The following GPBP1 variants were observed in gnomAD, a reference collection of about 807,000 sequenced individuals.
The protein encoded by GPBP1 is vasculin.
A neutral mutation model predicts 56.5 loss-of-function variants in GPBP1; 13 were observed. That is an observed-to-expected ratio of 0.23 (90% confidence interval 0.15 to 0.37). GPBP1 has a LOEUF of 0.37. GPBP1 is among the 10% of genes least tolerant of loss of function. The pLI, the probability that GPBP1 is intolerant of heterozygous loss-of-function variation, is 1.00. For synonymous variants in GPBP1, 204 were observed against 188.9 expected (o/e 1.08, Z -0.66); for missense variants, 477 against 572.3 (o/e 0.83, Z 1.70).
At chr5:57,225,786 C>A (rs762162019) in intron 3 of GPBP1, among the ~76,000 whole-genome samples, 9 of 152,178 alleles carry the variant, frequency 5.9e-5, no homozygotes, top group Non-Finnish European at 8.8e-5. Flanking sequence ...AGATTTGTCA[C>A]CTCTGTCCAC....
chr5:57,193,215 G>T (rs1754603473), intron 2 of GPBP1, among the ~76,000 whole-genome samples: 1 of 152,116 alleles, frequency 6.6e-6, no homozygotes, highest in Non-Finnish European at 1.5e-5. Context: ...TACTCAGGAG[G>T]CTGAGGCAGG....
At chr5:57,226,623 G>C (rs1179670401) in intron 3 of GPBP1, among the ~76,000 whole-genome samples, 2 of 138,956 alleles carry the variant, frequency 1.4e-5, no homozygotes, top group East Asian at 2.3e-4. Context: ...GCAGTGGCGC[G>C]ATCTCAGCTC....
At chr5:57,225,712 C>A (rs995978740) in intron 3 of GPBP1, among the ~76,000 whole-genome samples, 1 of 152,094 alleles carries the variant, frequency 6.6e-6, no homozygotes, top group Non-Finnish European at 1.5e-5. Context: ...CTCTCTGTAC[C>A]GTTGAACCAG....
intron 6 of GPBP1, chr5:57,237,269 G>T: frequency 1.2e-6 from 1 of 834,336 alleles, no homozygotes; most frequent in Non-Finnish European, 2.0e-6. Flanking sequence ...TAAGAAATTA[G>T]GAATAATTTG....
At chr5:57,203,986 C>G (rs762953254) in intron 2 of GPBP1, among the ~76,000 whole-genome samples, 1 of 152,120 alleles carries the variant, frequency 6.6e-6, no homozygotes, top group Non-Finnish European at 1.5e-5. Flanking sequence ...GGGCATTTAC[C>G]ATCCTTATCT....
At position 57,206,828 on chromosome 5, in the gene GPBP1, A is replaced by G. The variant is rs143799049; in HGVS notation, c.-57-7246A>G. 3.2e-4 allele frequency among the ~76,000 whole-genome samples: 48 copies of G among 152,264 alleles called. 1 individual carries two copies. In the East Asian group the frequency reaches 9.1e-3, roughly 29 times the overall value. ...ATGTGTGGGCTTATTTCTGGTTTAT[A>G]TGTCTGTTCTTAGGCCATACTACAG... is the stretch of plus-strand genomic sequence containing the variant. On this transcript the variant is annotated intron_variant, in intron 2 of 11. Coordinates refer to ENST00000506184, the MANE Select transcript of GPBP1 (RefSeq NM_022913.4).
chr5:57,260,694 T>A (rs1477276), intron 10 of GPBP1, among the ~76,000 whole-genome samples: 28,033 of 152,088 alleles, frequency 0.18, 3,402 homozygotes, highest in Non-Finnish European at 0.27. Flanking sequence ...TTTCATTTTT[T>A]AAAAACAAAC....
At chr5:57,178,403 C>G (rs1214189240) in intron 2 of GPBP1, among the ~76,000 whole-genome samples, 1 of 152,098 alleles carries the variant, frequency 6.6e-6, no homozygotes, top group Non-Finnish European at 1.5e-5. Context: ...CGCCACCACG[C>G]CCAGCTAATT....
intron 2 of GPBP1, among the ~76,000 whole-genome samples, chr5:57,179,382 T>G (rs1211631668): frequency 1.3e-5 from 2 of 152,110 alleles, no homozygotes; most frequent in Non-Finnish European, 2.9e-5. Flanking sequence ...AGGGTCTCGC[T>G]CTCTCACCCA....
intron 2 of GPBP1, among the ~76,000 whole-genome samples, chr5:57,211,745 G>A (rs1273976207): frequency 3.3e-5 from 5 of 151,344 alleles, no homozygotes; most frequent in East Asian, 2.0e-4. Context: ...CACCACGCCC[G>A]GCTAATTTTG....
At chr5:57,234,386 T>C (rs1756582508) in intron 5 of GPBP1, among the ~76,000 whole-genome samples, 1 of 152,168 alleles carries the variant, frequency 6.6e-6, no homozygotes, top group Non-Finnish European at 1.5e-5. Flanking sequence ...CTTGTTGAAA[T>C]ACAGATTTGG....
chr5:57,230,711 AT>A (rs754690632), intron 3 of GPBP1, 134 bp from the exon 4 acceptor site: 1 of 764,866 alleles, frequency 1.3e-6, no homozygotes, highest in African/African-American at 1.8e-5. Flanking sequence ...CAGTTATCAA[AT>A]ACCTTGAAAA....
intron 2 of GPBP1, among the ~76,000 whole-genome samples, chr5:57,194,643 C>T (rs1280194527): frequency 6.6e-6 from 1 of 151,982 alleles, no homozygotes; most frequent in Non-Finnish European, 1.5e-5. Flanking sequence ...ACCAACTAAC[C>T]TCCCGCTCTT....
At chr5:57,196,088 CAT>C (rs1754737410) in intron 2 of GPBP1, among the ~76,000 whole-genome samples, 2 of 150,154 alleles carry the variant, frequency 1.3e-5, no homozygotes, top group African/African-American at 4.9e-5. Context: ...TTTCCTTTTC[CAT>C]ATGATGGTTA....
At chr5:57,207,464 G>A (rs1755279560) in intron 2 of GPBP1, among the ~76,000 whole-genome samples, 1 of 152,160 alleles carries the variant, frequency 6.6e-6, no homozygotes, top group Non-Finnish European at 1.5e-5. Flanking sequence ...AGGGCAGGCT[G>A]TGGGACTCCG....
At chr5:57,202,633 G>A (rs557887336) in intron 2 of GPBP1, among the ~76,000 whole-genome samples, 98 of 152,196 alleles carry the variant, frequency 6.4e-4, no homozygotes, top group Non-Finnish European at 6.5e-4. Flanking sequence ...AACCCTCGAA[G>A]TGATGACATT....
At chr5:57,221,795 A>G (rs892488807) in intron 3 of GPBP1, among the ~76,000 whole-genome samples, 1 of 152,188 alleles carries the variant, frequency 6.6e-6, no homozygotes, top group African/African-American at 2.4e-5. Flanking sequence ...TGCGATGAAA[A>G]TGTAGGCTAT....
rs1579982907 is a variant in GPBP1 at position 57,190,455 on chromosome 5, C to T, written c.-58+14055C>T. ...TAAAAATTAGCCGAGCGTGTTGGCA[C>T]GCACCTGTAATCTCAATTACTGGGA... On this transcript the variant is annotated intron_variant, in intron 2 of 11. Transcript: ENST00000506184. Among the ~76,000 whole-genome samples, 3 of 151,722 alleles carry T rather than the reference C, an allele frequency of 2.0e-5. No homozygotes were observed. In the South Asian group the frequency reaches 6.2e-4, roughly 31 times the overall value.
At chr5:57,189,976 C>A (rs2111628003) in intron 2 of GPBP1, among the ~76,000 whole-genome samples, 1 of 152,296 alleles carries the variant, frequency 6.6e-6, no homozygotes, top group Non-Finnish European at 1.5e-5. Flanking sequence ...ACTTTGATTT[C>A]TCTTATTATT....
Sources: allele counts gnomAD v4.1 joint callset (sites outside exome capture counted in the v4.1 genomes callset), GRCh38; gene constraint gnomAD v4.1.1; transcripts MANE v1.5; gene names NCBI Gene and HGNC (gene_info 2026-07-23, HGNC 2026-07-21).